CCDC82: variants seen among roughly 807,000 people sequenced by gnomAD.
CCDC82 encodes the protein coiled-coil domain-containing protein 82.
CCDC82 carries 47 observed loss-of-function variants against 60.6 expected under a neutral mutation model. The ratio of observed to expected loss-of-function variants is 0.77; its 90% CI spans 0.61 to 0.99. The LOEUF (loss-of-function observed/expected upper bound fraction) is 0.99, where lower values mean the gene tolerates loss of function less well. Ranked by LOEUF, CCDC82 falls within the 50% of genes least tolerant of loss-of-function variation. CCDC82 has a pLI of 0.00. For synonymous variants in CCDC82, 212 were observed against 207.4 expected, an observed-to-expected ratio of 1.02 and a Z score of -0.19; for missense variants, 588 against 633.0, an observed-to-expected ratio of 0.93 and a Z score of 0.76.
At chr11:96,379,299 C>T (rs1865748132) in intron 5 of CCDC82, among the ~76,000 whole-genome samples, 1 of 151,744 alleles carries the variant, frequency 6.6e-6, no homozygotes, top group South Asian at 2.1e-4. Flanking sequence ...TATAAAATTG[C>T]TAAATATTAA....
At position 96,384,416 on chromosome 11, in the gene CCDC82, T is replaced by G. The variant is rs1369407380; in HGVS notation, c.332A>C (p.Glu111Ala). The change falls in exon 4 of 10, where the codon GAA becomes GCA. Residue 111 changes from glutamate (E) to alanine (A), a missense_variant. Physicochemically the swap from Glu to Ala is moderately radical, Grantham distance 107. Coordinates refer to ENST00000646818, the MANE Select transcript of CCDC82 (RefSeq NM_024725.4). ...INSGNGSTYE[E>A]ETNKIKHRNI... ...CCTATGTTTGATTTTGTTCGTTTCT[T>G]CTTCATATGTTGAACCGTTGCCAGA... 1 of 1,613,774 alleles carries G rather than the reference T, an allele frequency of 6.2e-7. No individual in the cohort carries two copies. Among genetic ancestry groups the G allele is most frequent in the Non-Finnish European group, 8.5e-7 (1 of 1,179,868 alleles).
At chr11:96,368,956 A>C (rs1024866968) in intron 7 of CCDC82, among the ~76,000 whole-genome samples, 27 of 151,962 alleles carry the variant, frequency 1.8e-4, no homozygotes, top group African/African-American at 6.5e-4. Flanking sequence ...TATCTTAGCT[A>C]GTTTTTCTGG....
rs1864177888 is a variant in CCDC82, at chr11:96,353,358, AACAGCTCATTCACTTG to A, written c.*272_*287del. The A allele has an allele frequency of 1.8e-5, 5 of 275,260 alleles. No homozygotes were observed. In the Admixed American group the frequency reaches 2.6e-4, roughly 14 times the overall value. 17.1% of individuals were successfully genotyped at this position (275,260 alleles called of 1,614,324 possible). ...ATTTTGACTAAACTGACAGGATATC[AACAGCTCATTCACTTG>A]ACAGTCATCTGTTATAAAGCCATTA... On this transcript the variant is annotated 3_prime_UTR_variant, in exon 10 of 10. Transcript: ENST00000646818.
At chr11:96,387,892 T>C (rs928008332) in intron 1 of CCDC82, 7 of 152,090 alleles carry the variant, frequency 4.6e-5, no homozygotes, top group African/African-American at 1.7e-4. Context: ...TTTAAAGGAG[T>C]CCCCAGTGAG....
At chr11:96,377,357 T>TACACACAC (rs145911994) in intron 5 of CCDC82, among the ~76,000 whole-genome samples, 19 of 149,554 alleles carry the variant, frequency 1.3e-4, no homozygotes, top group African/African-American at 3.9e-4. Context: ...GTGTACATAA[T>TACACACAC]ACACACACAC....
rs1866091657 is a variant in CCDC82 at position 96,384,690 on chromosome 11, G to C, written c.58C>G (p.Gln20Glu). Residue 20 changes from glutamine (Q) to glutamate (E), a missense_variant, in exon 4 of 10, where the codon CAG becomes GAG. Transcript: ENST00000646818. ...CGCCTCCAATCAACTCGAGATTTCTGCTCAGGCACGTGACTCTTAGAATTT... is the reference window on the plus strand; with the variant it reads ...CGCCTCCAATCAACTCGAGATTTCTCCTCAGGCACGTGACTCTTAGAATTT... Reference protein sequence around the residue: ...RRNSKSHVPEQKSRVDWRRTK... With the variant: ...RRNSKSHVPEEKSRVDWRRTK... 2 of 1,612,664 alleles carry C rather than the reference G, an allele frequency of 1.2e-6. No homozygotes were observed. Among genetic ancestry groups the C allele is most frequent in the Non-Finnish European group, 8.5e-7 (1 of 1,179,414 alleles).
chr11:96,383,119 G>T, intron 5 of CCDC82, 150 bp downstream of exon 5: 1 of 615,218 alleles, frequency 1.6e-6, no homozygotes, highest in South Asian at 2.0e-5. Context: ...TGAGACCACT[G>T]GAATAAACTA....
chr11:96,371,026 T>C lies in CCDC82; in HGVS notation c.1196A>G (p.Lys399Arg), dbSNP rs761794652. ...LESLVSRSRW[K>R]EQYKERVENY... ...CAAACTGTGTACCTTATATTGCTCT[T>C]TCCAACGACTTCTAGATACCAAGCT... Residue 399 changes from lysine (K) to arginine (R), a missense_variant, in exon 7 of 10, where the codon AAA (lysine) becomes AGA (arginine). Lys to Arg is a conservative substitution (Grantham distance 26). Transcript: ENST00000646818. 1.4e-5 allele frequency: 23 copies of C among 1,592,956 alleles called. No homozygotes were observed. The highest frequency in any genetic ancestry group is 2.0e-5 in the Non-Finnish European group (23 of 1,171,732).
chr11:96,368,940 A>G (rs1865105273), intron 7 of CCDC82, among the ~76,000 whole-genome samples: 1 of 151,538 alleles, frequency 6.6e-6, no homozygotes, highest in African/African-American at 2.4e-5. Flanking sequence ...GTTTACTTTC[A>G]TCAGTTATCT....
intron 6 of CCDC82, 81 bp from the exon 7 acceptor site, chr11:96,371,218 C>A: frequency 1.0e-6 from 1 of 962,240 alleles, no homozygotes; most frequent in Non-Finnish European, 1.4e-6. Context: ...AAATTTCTTC[C>A]CAACTTGGTT....
At chr11:96,373,866 C>T (rs1865426233) in intron 5 of CCDC82, among the ~76,000 whole-genome samples, 1 of 152,208 alleles carries the variant, frequency 6.6e-6, no homozygotes, top group South Asian at 2.1e-4. Flanking sequence ...AAACGCGTTA[C>T]ATATGAAATT....
intron 7 of CCDC82, among the ~76,000 whole-genome samples, chr11:96,366,204 C>A (rs879771298): frequency 2.0e-5 from 3 of 152,166 alleles, no homozygotes; most frequent in Non-Finnish European, 4.4e-5. Context: ...CAGCAGAGCA[C>A]CCCTGATGAC....
At chr11:96,377,357 TACAC>T (rs145911994) in intron 5 of CCDC82, among the ~76,000 whole-genome samples, 19 of 149,550 alleles carry the variant, frequency 1.3e-4, no homozygotes, top group East Asian at 2.0e-4. Flanking sequence ...GTGTACATAA[TACAC>T]ACACACACAC....
Position 96,384,647 on chromosome 11 carries a change from A to G in CCDC82, c.101T>C (p.Ile34Thr). The change falls in exon 4 of 10, where the codon ATC becomes ACC. Residue 34 changes from isoleucine to threonine, a missense_variant. Coordinates refer to ENST00000646818, the MANE Select transcript of CCDC82 (RefSeq NM_024725.4). ...TTCATCACTATCAAGTAATTGTGAG[A>G]TACTACTTCTTTTAGTTCGCCTCCA... Reference protein sequence around the residue: ...VDWRRTKRSSISQLLDSDEEL... With the variant: ...VDWRRTKRSSTSQLLDSDEEL... 1 of 1,613,544 alleles carries G rather than the reference A, an allele frequency of 6.2e-7. No individual in the cohort carries two copies. Among genetic ancestry groups the G allele is most frequent in the South Asian group, 1.1e-5 (1 of 91,048 alleles).
intron 1 of CCDC82, chr11:96,389,424 C>T (rs1190945139): frequency 3.9e-5 from 6 of 152,240 alleles, no homozygotes. Context: ...CACTCTGCCT[C>T]CAGGAGGGAG....
chr11:96,358,547 A>T, intron 9 of CCDC82: 16 of 1,235,280 alleles, frequency 1.3e-5, no homozygotes, highest in Non-Finnish European at 1.5e-5. Context: ...TGGGTGTATT[A>T]GAACTGGCAG....
Position 96,371,141 on chromosome 11 carries a change from T to G in CCDC82, c.1085-4A>C, listed in dbSNP as rs746637616. 1 of 1,552,242 alleles carries G rather than the reference T, an allele frequency of 6.4e-7. No individual in the cohort carries two copies. Among genetic ancestry groups the G allele is most frequent in the Non-Finnish European group, 8.7e-7 (1 of 1,153,520 alleles). ...TATGATTTTTGCCTTGTGCCATCTG[T>G]TCAGGGGATAAACAACAAAAAAAAT... On this transcript the variant is annotated splice_polypyrimidine_tract_variant and splice_region_variant and intron_variant, in intron 6 of 9. Coordinates refer to ENST00000646818, the MANE Select transcript of CCDC82 (RefSeq NM_024725.4).
At chr11:96,361,042 C>T (rs1864636931) in intron 8 of CCDC82, among the ~76,000 whole-genome samples, 1 of 152,208 alleles carries the variant, frequency 6.6e-6, no homozygotes, top group Non-Finnish European at 1.5e-5. Context: ...ACCTTATCAT[C>T]AAAGCAGTCC....
chr11:96,387,196 A>T (rs985301875), intron 2 of CCDC82: 4 of 152,252 alleles, frequency 2.6e-5, no homozygotes, highest in African/African-American at 4.8e-5. Context: ...CACTAAAGCA[A>T]ATATGGACAG....
Sources: gnomAD v4.1 joint callset for allele counts (sites outside exome capture counted in the v4.1 genomes callset) on GRCh38, gnomAD v4.1.1 for gene constraint, MANE v1.5 for transcripts, NCBI Gene and HGNC (gene_info 2026-07-23, HGNC 2026-07-21) for gene names.